ASIC2: variants seen among roughly 807,000 people sequenced by gnomAD.
ASIC2 encodes the protein acid sensing ion channel subunit 2.
A neutral mutation model predicts 57.3 loss-of-function variants in ASIC2; 25 were observed. The observed-to-expected ratio is 0.44, with a 90% CI of 0.32 to 0.61. The LOEUF is 0.61. ASIC2 is among the 20% of genes least tolerant of loss of function. The probability of loss-of-function intolerance (pLI) is 0.06; values close to 1 mark genes in which losing one functional copy is unlikely to be tolerated. For synonymous variants in ASIC2, 319 were observed against 307.5 expected (o/e 1.04, Z -0.39); for missense variants, 641 against 738.1 (o/e 0.87, Z 1.52).
Position 33,123,651 on chromosome 17 carries a change from C to A in ASIC2, c.709-11584G>T, listed in dbSNP as rs574053167. On this transcript the variant is annotated intron_variant, in intron 1 of 9. Coordinates refer to ENST00000225823, the MANE Select transcript of ASIC2 (RefSeq NM_183377.2). Reference sequence around the variant, plus strand: ...TCTTGGGCATTCTTGCAAAACTCTGCATTACTCTGACTGGCTATTTCTGCT... The same window carrying A: ...TCTTGGGCATTCTTGCAAAACTCTGAATTACTCTGACTGGCTATTTCTGCT... Among the ~76,000 whole-genome samples the A allele has an allele frequency of 3.9e-5, 6 of 152,304 alleles. No homozygotes were observed. The East Asian group carries it at 1.2e-3, about 29-fold the overall frequency.
At chr17:33,769,673 G>C (rs1454509851) in intron 1 of ASIC2, among the ~76,000 whole-genome samples, 1 of 152,202 alleles carries the variant, frequency 6.6e-6, no homozygotes, top group Non-Finnish European at 1.5e-5. Flanking sequence ...GGAATTTATG[G>C]ATTTTCCCTG....
chr17:33,746,363 TGTAG>T (rs1567704523), intron 1 of ASIC2, among the ~76,000 whole-genome samples: 12 of 148,808 alleles, frequency 8.1e-5, no homozygotes, highest in African/African-American at 2.5e-4. Flanking sequence ...TACCTATATA[TGTAG>T]ATATACATGT....
Position 33,956,227 on chromosome 17 carries a change from C to T in ASIC2, c.555+199751G>A, listed in dbSNP as rs576609247. Among the ~76,000 whole-genome samples, 78 of 152,290 alleles carry T rather than the reference C, an allele frequency of 5.1e-4. 1 individual carries two copies. Among genetic ancestry groups the T allele is most frequent in the African/African-American group, 1.7e-3 (69 of 41,558 alleles). On this transcript the variant is annotated intron_variant, in intron 1 of 9. Coordinates refer to the ASIC2 transcript ENST00000359872. Reference sequence around the variant, plus strand: ...AATAGGAGCGGGAGCGCTGGGAAAGCGCTCTTGAAGAAGAGTTTCCACCAT... The same window carrying T: ...AATAGGAGCGGGAGCGCTGGGAAAGTGCTCTTGAAGAAGAGTTTCCACCAT...
chr17:33,282,288 G>C (rs969001520), intron 1 of ASIC2, among the ~76,000 whole-genome samples: 7 of 152,122 alleles, frequency 4.6e-5, no homozygotes, highest in Non-Finnish European at 7.4e-5. Flanking sequence ...TAAAATCAAA[G>C]GCCGGCAAGG....
intron 1 of ASIC2, among the ~76,000 whole-genome samples, chr17:33,896,562 G>T (rs1210093579): frequency 1.3e-5 from 2 of 152,228 alleles, no homozygotes; most frequent in African/African-American, 4.8e-5. Flanking sequence ...GCCTGCAGGG[G>T]CTCAGAGCTC....
chr17:33,392,195 C>CTT (rs1482750678), intron 1 of ASIC2, among the ~76,000 whole-genome samples: 1,750 of 7,852 alleles, frequency 0.22, 90 homozygotes, highest in East Asian at 0.4. Context: ...TCCTTCCTTC[C>CTT]CTCCTTCCTT....
chr17:34,011,049 A>AGATGCCTC (rs1906725751), intron 1 of ASIC2, among the ~76,000 whole-genome samples: 1 of 148,926 alleles, frequency 6.7e-6, no homozygotes, highest in African/African-American at 2.6e-5. Flanking sequence ...ACACACACAC[A>AGATGCCTC]CACACAGACA....
rs34633102 is a variant in ASIC2 at position 33,980,942 on chromosome 17, A to ATTTTTTTTTTTTTTT, written c.555+175035_555+175036insAAAAAAAAAAAAAAA. On this transcript the variant is annotated intron_variant, in intron 1 of 9. Coordinates refer to the ASIC2 transcript ENST00000359872. ...TCTCCCCATCCCTTCCTCAAGTGTA[A>ATTTTTTTTTTTTTTT]TTTTTTTTTTTTTAGACAGAATCTT... The ATTTTTTTTTTTTTTT allele has an allele frequency of 2.6e-4, 34 of 130,588 alleles. 1 individual carries two copies. Among genetic ancestry groups the ATTTTTTTTTTTTTTT allele is most frequent in the African/African-American group, 3.8e-4 (13 of 34,496 alleles). 8.1% of individuals were successfully genotyped at this position (130,588 alleles called of 1,614,324 possible).
At chr17:33,480,017 G>A (rs1380648401) in intron 1 of ASIC2, among the ~76,000 whole-genome samples, 1 of 152,086 alleles carries the variant, frequency 6.6e-6, no homozygotes, top group Non-Finnish European at 1.5e-5. Flanking sequence ...AAATCTCCGG[G>A]TTCTAAAGCA....
intron 3 of ASIC2, among the ~76,000 whole-genome samples, chr17:33,056,446 C>T (rs921195348): frequency 1.3e-5 from 2 of 152,176 alleles, no homozygotes; most frequent in Admixed American, 6.5e-5. Context: ...CCCTTCCCAG[C>T]CACCCCCCTC....
At chr17:34,099,520 A>AAAAGAAAG (rs147070505) in intron 1 of ASIC2, among the ~76,000 whole-genome samples, 1 of 147,802 alleles carries the variant, frequency 6.8e-6, no homozygotes, top group African/African-American at 2.6e-5. Context: ...AAGAGAAAGA[A>AAAAGAAAG]AAAGAAAGAA....
chr17:33,119,904 T>C (rs1432236351), intron 1 of ASIC2, among the ~76,000 whole-genome samples: 2 of 152,182 alleles, frequency 1.3e-5, no homozygotes, highest in African/African-American at 4.8e-5. Flanking sequence ...AGGCTACTTT[T>C]TCTGGGGAGA....
chr17:33,037,755 A>C (rs555077146), intron 3 of ASIC2, among the ~76,000 whole-genome samples: 8 of 152,290 alleles, frequency 5.3e-5, no homozygotes, highest in African/African-American at 1.4e-4. Flanking sequence ...TGTTGCAGGC[A>C]CTGTGGTAGG....
intron 1 of ASIC2, among the ~76,000 whole-genome samples, chr17:33,941,823 A>G (rs17783779): frequency 0.17 from 25,184 of 152,176 alleles, 2,295 homozygotes; most frequent in East Asian, 0.28. Context: ...GAAATCAGAA[A>G]GCACTTGCAC....
At chr17:33,728,859 G>A (rs546589342) in intron 1 of ASIC2, among the ~76,000 whole-genome samples, 114 of 152,196 alleles carry the variant, frequency 7.5e-4, no homozygotes, top group African/African-American at 2.6e-3. Context: ...AGCCAGGGAG[G>A]GTCATGTTGT....
intron 1 of ASIC2, among the ~76,000 whole-genome samples, chr17:33,448,714 T>A (rs1912132537): frequency 6.6e-6 from 1 of 152,244 alleles, no homozygotes; most frequent in African/African-American, 2.4e-5. Flanking sequence ...CCTCCAGAAC[T>A]GTGAAATACT....
chr17:34,146,557 A>G (rs1912423139), intron 1 of ASIC2, among the ~76,000 whole-genome samples: 1 of 152,204 alleles, frequency 6.6e-6, no homozygotes, highest in African/African-American at 2.4e-5. Flanking sequence ...CTGAGTGTAA[A>G]CTGCACCACA....
At chr17:33,902,094 A>C (rs1265529785) in intron 1 of ASIC2, among the ~76,000 whole-genome samples, 1 of 152,168 alleles carries the variant, frequency 6.6e-6, no homozygotes, top group Non-Finnish European at 1.5e-5. Context: ...TATGAGACCT[A>C]AATTAGAATC....
chr17:33,066,992 G>A (rs1033660597), intron 3 of ASIC2, among the ~76,000 whole-genome samples: 1 of 152,188 alleles, frequency 6.6e-6, no homozygotes, highest in African/African-American at 2.4e-5. Flanking sequence ...ACCTGGGATT[G>A]TAAAATGATG....
Sources: allele counts gnomAD v4.1 joint callset (sites outside exome capture counted in the v4.1 genomes callset), GRCh38; gene constraint gnomAD v4.1.1; transcripts MANE v1.5; gene names NCBI Gene and HGNC (gene_info 2026-07-23, HGNC 2026-07-21).